The following ENKUR variants were observed in gnomAD, a reference collection of about 807,000 sequenced individuals.
ENKUR encodes enkurin.
In ENKUR, 19 loss-of-function variants were observed where a neutral mutation model predicts 27.6. The ratio of observed to expected loss-of-function variants is 0.69; its 90% CI spans 0.48 to 1.01. ENKUR has a LOEUF of 1.01. ENKUR is among the 50% of genes least tolerant of loss of function. The pLI, the probability that ENKUR is intolerant of heterozygous loss-of-function variation, is 0.00. For synonymous variants in ENKUR, 117 were observed against 96.9 expected (o/e 1.21, Z -1.22); for missense variants, 312 against 310.5 (o/e 1.00, Z -0.04).
chr10:25,004,981 C>T (rs1588659801), intron 1 of ENKUR, among the ~76,000 whole-genome samples: 1 of 152,148 alleles, frequency 6.6e-6, no homozygotes, highest in Non-Finnish European at 1.5e-5. Context: ...CTGCATATGG[C>T]TAGCCAGTTC....
intron 3 of ENKUR, among the ~76,000 whole-genome samples, chr10:24,994,128 C>G (rs1298371569): frequency 6.6e-6 from 1 of 152,118 alleles, no homozygotes; most frequent in African/African-American, 2.4e-5. Context: ...TTTTGATTTT[C>G]CACTGGCATT....
intron 2 of ENKUR, chr10:25,025,217 C>CTT: frequency 6.2e-7 from 1 of 1,614,198 alleles, no homozygotes; most frequent in Non-Finnish European, 8.5e-7. Flanking sequence ...ATCTCATCTA[C>CTT]AGCCCATTAC....
At chr10:25,056,666 A>G (rs1311761118) in intron 2 of ENKUR, among the ~76,000 whole-genome samples, 1 of 152,242 alleles carries the variant, frequency 6.6e-6, no homozygotes, top group Admixed American at 6.5e-5. Context: ...TAGACTTCTA[A>G]TAAAAACAAG....
At chr10:25,025,665 C>T (rs528915122) in intron 2 of ENKUR, 10 of 547,400 alleles carry the variant, frequency 1.8e-5, no homozygotes, top group Non-Finnish European at 2.9e-5. Flanking sequence ...TAACACAGTG[C>T]ACGGACCTTT....
At chr10:25,058,503 C>G (rs74474023) in intron 2 of ENKUR, among the ~76,000 whole-genome samples, 2,304 of 152,230 alleles carry the variant, frequency 0.015, 65 homozygotes, top group African/African-American at 0.054. Flanking sequence ...TCGTTGGGAC[C>G]AGACTCATTC....
At chr10:25,007,580 G>A (rs896667851) in intron 1 of ENKUR, among the ~76,000 whole-genome samples, 22 of 152,118 alleles carry the variant, frequency 1.4e-4, no homozygotes, top group African/African-American at 5.1e-4. Flanking sequence ...GACTACAGGC[G>A]CCCGCCACCA....
intron 4 of ENKUR, among the ~76,000 whole-genome samples, chr10:24,986,062 C>T (rs1029418197): frequency 3.9e-5 from 6 of 152,066 alleles, no homozygotes; most frequent in Non-Finnish European, 5.9e-5. Flanking sequence ...GAGCAGAGAC[C>T]CTGCCTGAAA....
At position 24,988,857 on chromosome 10, in the gene ENKUR, C is replaced by T. The variant is rs184972404; in HGVS notation, c.594+1606G>A. On this transcript the variant is annotated intron_variant, in intron 4 of 5. Transcript: ENST00000331161. ...CAGGGACATACAACCAGATTGTCAT[C>T]GAACTACATGCAACTCTTGCCTAGG... Among the ~76,000 whole-genome samples, 433 of 151,794 alleles carry T rather than the reference C, an allele frequency of 2.9e-3. 5 individuals are homozygous for T. The highest frequency in any genetic ancestry group is 9.1e-3 in the African/African-American group (378 of 41,388).
At chr10:25,024,032 A>T in intron 2 of ENKUR, 1 of 1,614,222 alleles carries the variant, frequency 6.2e-7, no homozygotes, top group South Asian at 1.1e-5. Flanking sequence ...GTTCCTGCAA[A>T]GGAGTTTCCA....
intron 2 of ENKUR, among the ~76,000 whole-genome samples, chr10:25,031,300 C>G (rs1042072636): frequency 2.0e-5 from 3 of 152,076 alleles, no homozygotes; most frequent in African/African-American, 7.2e-5. Context: ...CAAGACCAGG[C>G]CATAAGGGTG....
At chr10:25,022,382 A>G (rs1850739447) in intron 2 of ENKUR, among the ~76,000 whole-genome samples, 1 of 152,220 alleles carries the variant, frequency 6.6e-6, no homozygotes, top group Non-Finnish European at 1.5e-5. Context: ...GGTTAGAAAC[A>G]AAAGTGATGG....
At chr10:25,029,413 CAATA>C (rs1850908256) in intron 2 of ENKUR, among the ~76,000 whole-genome samples, 1 of 152,012 alleles carries the variant, frequency 6.6e-6, no homozygotes, top group African/African-American at 2.4e-5. Context: ...GTTTAGAAGA[CAATA>C]AATTGTTTTG....
At chr10:25,031,678 T>C (rs1232319014) in intron 2 of ENKUR, among the ~76,000 whole-genome samples, 1 of 152,164 alleles carries the variant, frequency 6.6e-6, no homozygotes, top group African/African-American at 2.4e-5. Context: ...TTCCACTTTC[T>C]GGGTTTATTT....
At chr10:25,007,737 T>C (rs2132712688) in intron 1 of ENKUR, among the ~76,000 whole-genome samples, 1 of 152,174 alleles carries the variant, frequency 6.6e-6, no homozygotes, top group African/African-American at 2.4e-5. Flanking sequence ...CCCAGCCACG[T>C]ATAGATTTCT....
Position 24,990,589 on chromosome 10 carries a change from T to C in ENKUR, c.468A>G (p.Glu156=). ...TTTCCTCGTTTCGCTTACATATGTATTCAGGTGTGACACCATAATCCTAAA... is the reference window on the plus strand; with the variant it reads ...TTTCCTCGTTTCGCTTACATATGTACTCAGGTGTGACACCATAATCCTAAA... ...INKKDYGVTP[E]YICKRNEEIK... The change falls in exon 4 of 6, where the codon GAA becomes GAG. Residue 156 remains glutamate, a synonymous_variant. Coordinates refer to ENST00000331161, the MANE Select transcript of ENKUR (RefSeq NM_145010.4). 6.2e-7 allele frequency: 1 copy of C among 1,607,446 alleles called. No individual in the cohort carries two copies. The highest frequency in any genetic ancestry group is 8.5e-7 in the Non-Finnish European group (1 of 1,178,596).
chr10:24,988,358 GTATATATATT>G (rs1849834204), intron 4 of ENKUR, among the ~76,000 whole-genome samples: 3 of 140,770 alleles, frequency 2.1e-5, no homozygotes, highest in African/African-American at 7.9e-5. Context: ...TTATATATGT[GTATATATATT>G]TATATATGTA....
intron 4 of ENKUR, among the ~76,000 whole-genome samples, chr10:24,986,011 T>C (rs1849770224): frequency 6.6e-6 from 1 of 152,054 alleles, no homozygotes; most frequent in African/African-American, 2.4e-5. Context: ...GAGGCTGCAG[T>C]GAGCGATGAT....
intron 2 of ENKUR, among the ~76,000 whole-genome samples, chr10:25,040,704 CA>C (rs1226063475): frequency 6.6e-6 from 1 of 152,170 alleles, no homozygotes; most frequent in African/African-American, 2.4e-5. Flanking sequence ...TCACTTCAAT[CA>C]AGAAGACATG....
At position 25,059,523 on chromosome 10, in the gene ENKUR, G is replaced by GGCA. The variant is rs1851302894; in HGVS notation, c.37+1586_37+1588dup. On this transcript the variant is annotated intron_variant, in intron 2 of 5. Transcript: ENST00000615958. ...CATATGGTAAAGTAACAAACATCAA[G>GGCA]GCAGCTTTCAACACCTCCATGAGGG... Among the ~76,000 whole-genome samples, 4 of 152,092 alleles carry GGCA rather than the reference G, an allele frequency of 2.6e-5. 1 individual carries two copies. The highest frequency in any genetic ancestry group is 2.6e-4 in the Admixed American group (4 of 15,262).
Sources: allele counts gnomAD v4.1 joint callset (sites outside exome capture counted in the v4.1 genomes callset), GRCh38; gene constraint gnomAD v4.1.1; transcripts MANE v1.5; gene names NCBI Gene and HGNC (gene_info 2026-07-23, HGNC 2026-07-21).